NHERF4: variants seen among roughly 807,000 people sequenced by gnomAD.
NHERF4 encodes NHERF family PDZ scaffold protein 4.
chr11:119,188,531 G>A, the NHERF4 span: 3 of 1,599,682 alleles, frequency 1.9e-6, no homozygotes, highest in Non-Finnish European at 2.6e-6. Flanking sequence ...CGACCCTGAG[G>A]CGGACCGCTT....
chr11:119,190,186 C>T, the NHERF4 span: 2 of 1,088,920 alleles, frequency 1.8e-6, no homozygotes, highest in East Asian at 2.7e-5. The surrounding 1 kb of genome is among the most constrained non-coding windows in gnomAD (Gnocchi z 4.2). Flanking sequence ...AAGAAGAAAA[C>T]TAAATAAAAA....
At chr11:119,190,187 T>C in the NHERF4 span, 2 of 1,088,306 alleles carry the variant, frequency 1.8e-6, no homozygotes, top group Non-Finnish European at 2.6e-6. The surrounding 1 kb of genome is among the most constrained non-coding windows in gnomAD (Gnocchi z 4.2). Context: ...AGAAGAAAAC[T>C]AAATAAAAAT....
At chr11:119,190,203 T>A in the NHERF4 span, 7 of 1,188,712 alleles carry the variant, frequency 5.9e-6, no homozygotes, top group South Asian at 3.4e-5. This position sits in a 1 kb window ranked among gnomAD's most constrained non-coding sequence, Gnocchi z 4.2. Flanking sequence ...AAAATAAAAA[T>A]AAAAATAAGA....
chr11:119,185,921 G>A, the NHERF4 span: 2 of 1,614,024 alleles, frequency 1.2e-6, no homozygotes, highest in East Asian at 2.2e-5. Flanking sequence ...TCTTTGCCCA[G>A]TAGATCTGCA....
chr11:119,188,711 C>T, the NHERF4 span: 1 of 1,614,194 alleles, frequency 6.2e-7, no homozygotes, highest in South Asian at 1.1e-5. Context: ...GCAGCTCAGC[C>T]TCACTGGTTG....
At chr11:119,186,451 C>T in the NHERF4 span, 16 of 1,613,136 alleles carry the variant, frequency 9.9e-6, no homozygotes, top group Middle Eastern at 1.7e-4. The surrounding 1 kb of genome is among the most constrained non-coding windows in gnomAD (Gnocchi z 4.4). Context: ...TCTCCTCCCC[C>T]TTTTCTGCTG....
chr11:119,188,047 G>A, the NHERF4 span: 9 of 1,554,520 alleles, frequency 5.8e-6, no homozygotes, highest in Admixed American at 2.0e-5. Flanking sequence ...CAGAGGGCTG[G>A]GCACTGCCCA....
chr11:119,186,415 G>A, the NHERF4 span: 53 of 1,592,134 alleles, frequency 3.3e-5, no homozygotes, highest in East Asian at 4.5e-5. The surrounding 1 kb of genome is among the most constrained non-coding windows in gnomAD (Gnocchi z 4.4). Context: ...CCAGGCACAC[G>A]GCGAACCTGT....
the NHERF4 span, chr11:119,189,170 G>A: frequency 1.2e-6 from 2 of 1,612,660 alleles, no homozygotes; most frequent in Non-Finnish European, 1.7e-6. The surrounding 1 kb of genome is among the most constrained non-coding windows in gnomAD (Gnocchi z 5.8). Context: ...GTCTCTGCGG[G>A]GCTTGGAAGC....
the NHERF4 span, chr11:119,186,215 G>A: frequency 2.4e-5 from 39 of 1,613,856 alleles, no homozygotes; most frequent in Non-Finnish European, 3.1e-5. The surrounding 1 kb of genome is among the most constrained non-coding windows in gnomAD (Gnocchi z 4.4). Flanking sequence ...GAGGCACCAC[G>A]GCTCCACACG....
chr11:119,186,048 AGTCCAGCTGCCAGCT>A, the NHERF4 span: 4 of 1,610,306 alleles, frequency 2.5e-6, no homozygotes, highest in African/African-American at 5.3e-5. This position sits in a 1 kb window ranked among gnomAD's most constrained non-coding sequence, Gnocchi z 4.4. Flanking sequence ...CTGGGACCCA[AGTCCAGCTGCCAGCT>A]TGTACCTGCT....
At chr11:119,187,477 G>T in the NHERF4 span, 1 of 1,613,768 alleles carries the variant, frequency 6.2e-7, no homozygotes, top group Non-Finnish European at 8.5e-7. Flanking sequence ...CAGAGGGTGC[G>T]AGGGGGCGGC....
At chr11:119,187,532 G>A in the NHERF4 span, 1 of 1,610,808 alleles carries the variant, frequency 6.2e-7, no homozygotes, top group Non-Finnish European at 8.5e-7. Context: ...GCAGGAAACA[G>A]ACTGGACCTT....
chr11:119,188,620 C>T, the NHERF4 span: 66 of 1,613,088 alleles, frequency 4.1e-5, no homozygotes, highest in South Asian at 5.1e-4. Context: ...GAAAGATTTG[C>T]TCTCCCTGCC....
chr11:119,186,369 G>A, the NHERF4 span: 1 of 1,561,348 alleles, frequency 6.4e-7, no homozygotes, highest in Non-Finnish European at 8.8e-7. This position sits in a 1 kb window ranked among gnomAD's most constrained non-coding sequence, Gnocchi z 4.4. Flanking sequence ...CAACCAGGCA[G>A]AAACTGCCCA....
the NHERF4 span, chr11:119,188,019 C>T: frequency 6.4e-7 from 1 of 1,561,692 alleles, no homozygotes; most frequent in South Asian, 1.2e-5. Flanking sequence ...CTGGGATTGC[C>T]CCTGGCTGCA....
At chr11:119,189,086 G>C in the NHERF4 span, 1 of 1,614,104 alleles carries the variant, frequency 6.2e-7, no homozygotes, top group African/African-American at 1.3e-5. The surrounding 1 kb of genome is among the most constrained non-coding windows in gnomAD (Gnocchi z 5.8). Context: ...TCCTGTTGGG[G>C]GACAGAATGA....
chr11:119,187,766 C>T, the NHERF4 span: 2 of 1,464,590 alleles, frequency 1.4e-6, no homozygotes, highest in African/African-American at 2.9e-5. Context: ...GGGAAGACGC[C>T]TCCTTCCCCA....
chr11:119,189,272 G>C, the NHERF4 span: 2 of 1,535,396 alleles, frequency 1.3e-6, no homozygotes, highest in Non-Finnish European at 1.8e-6. The surrounding 1 kb of genome is among the most constrained non-coding windows in gnomAD (Gnocchi z 5.8). Context: ...AGAAAGAAGG[G>C]CAGAGTGGGC....
Sources: allele counts gnomAD v4.1 joint callset, GRCh38; gene constraint gnomAD v4.1.1; non-coding constraint Gnocchi (gnomAD v3.1); transcripts MANE v1.5; gene names NCBI Gene and HGNC (gene_info 2026-07-23, HGNC 2026-07-21).